Variants in LMF1 observed in about 807,000 individuals in gnomAD.
LMF1 encodes the protein lipase maturation factor 1.
LMF1 carries 68 observed loss-of-function variants against 60.6 expected under a neutral mutation model. The observed-to-expected ratio is 1.12, with a 90% CI of 0.92 to 1.37. LMF1 has a LOEUF of 1.37. Ranked by LOEUF, LMF1 falls within the 40% of genes most tolerant of loss-of-function variation. The pLI is 0.00. For synonymous variants in LMF1, 418 were observed against 324.7 expected (o/e 1.29, Z -3.09); for missense variants, 948 against 767.2 (o/e 1.24, Z -2.78).
chr16:979,965 C>A, intron 1 of LMF1: 1 of 352,396 alleles, frequency 2.8e-6, no homozygotes, highest in Non-Finnish European at 5.6e-6. Context: ...GGAAGAGGCA[C>A]TGCAGACGGA....
chr16:856,132 T>C, intron 10 of LMF1: 1 of 368,702 alleles, frequency 2.7e-6, no homozygotes, highest in Non-Finnish European at 5.3e-6. Flanking sequence ...CAGCCAAGAC[T>C]GAGGGTGATG....
In LMF1 at chr16:970,541, G is replaced by T. The variant is rs555233624; in HGVS notation, c.193+247C>A. On this transcript the variant is annotated intron_variant, in intron 1 of 10. Transcript: ENST00000262301. ...CGGCCGTGCAACTTCGGGGCTGCGG[G>T]TGGAACCGGGAGCCCAGGAGCCCAG... Among the ~76,000 whole-genome samples, 22 of 152,294 alleles carry T rather than the reference G, an allele frequency of 1.4e-4. No homozygotes were observed. The East Asian group carries it at 4.1e-3, about 28-fold the overall frequency.
intron 2 of LMF1, among the ~76,000 whole-genome samples, chr16:935,580 A>AAAAAC (rs1555466849): frequency 2.0e-5 from 3 of 152,114 alleles, no homozygotes; most frequent in African/African-American, 7.3e-5. Context: ...CTAAAAAAAA[A>AAAAAC]AAAACTCATA....
intron 5 of LMF1, among the ~76,000 whole-genome samples, chr16:887,933 G>A (rs1396078875): frequency 1.3e-5 from 2 of 152,196 alleles, no homozygotes; most frequent in African/African-American, 2.4e-5. Flanking sequence ...AGGAGCGTAG[G>A]TGGCCCCAGG....
intron 3 of LMF1, among the ~76,000 whole-genome samples, chr16:930,475 C>T (rs1021688642): frequency 1.3e-5 from 2 of 151,990 alleles, no homozygotes; most frequent in Non-Finnish European, 1.5e-5. Flanking sequence ...GCGGGAGGAT[C>T]GCCTGAGCCC....
chr16:860,430 C>G (rs1472283838), intron 10 of LMF1, among the ~76,000 whole-genome samples: 3 of 150,684 alleles, frequency 2.0e-5, no homozygotes, highest in Non-Finnish European at 4.4e-5. Flanking sequence ...ACCTCTGCCT[C>G]CCAGGCTCAA....
chr16:859,916 TCACGGGA>T (rs2069399474), intron 10 of LMF1, among the ~76,000 whole-genome samples: 1 of 139,700 alleles, frequency 7.2e-6, no homozygotes, highest in African/African-American at 3.2e-5. Context: ...TGCAGTGGTG[TCACGGGA>T]TCGGTGTGAG....
intron 4 of LMF1, among the ~76,000 whole-genome samples, chr16:895,495 C>T (rs539125683): frequency 3.4e-4 from 52 of 152,314 alleles, no homozygotes; most frequent in African/African-American, 1.1e-3. Flanking sequence ...GGACGGGAGC[C>T]GCCGGGTTCT....
chr16:930,286 A>G (rs1188275176), intron 3 of LMF1, among the ~76,000 whole-genome samples: 3 of 152,224 alleles, frequency 2.0e-5, no homozygotes, highest in Non-Finnish European at 4.4e-5. Flanking sequence ...ACCCTGGGAC[A>G]CAGAGCCCAG....
chr16:938,066 C>T (rs1439644903), intron 2 of LMF1, among the ~76,000 whole-genome samples: 2 of 150,844 alleles, frequency 1.3e-5, no homozygotes, highest in African/African-American at 4.9e-5. Flanking sequence ...AAAAGAGGGG[C>T]GCCTTTGGGT....
chr16:945,202 A>G (rs1323670059), intron 2 of LMF1, among the ~76,000 whole-genome samples: 1 of 138,678 alleles, frequency 7.2e-6, no homozygotes, highest in South Asian at 2.3e-4. Flanking sequence ...CAAGAGCGAG[A>G]CTCCATCTCA....
At chr16:925,413 G>A (rs1423164297) in intron 3 of LMF1, among the ~76,000 whole-genome samples, 2 of 152,178 alleles carry the variant, frequency 1.3e-5, no homozygotes, top group Admixed American at 1.3e-4. Context: ...TCGTGTGAAT[G>A]AGACAAAATG....
intron 4 of LMF1, among the ~76,000 whole-genome samples, chr16:902,946 G>C (rs1416726957): frequency 1.2e-5 from 1 of 85,216 alleles, no homozygotes; most frequent in East Asian, 3.3e-4. Flanking sequence ...GTGTGGTGGT[G>C]ACCTCTGCAC....
chr16:970,257 G>C (rs2073012844), intron 1 of LMF1, among the ~76,000 whole-genome samples: 1 of 152,240 alleles, frequency 6.6e-6, no homozygotes, highest in Non-Finnish European at 1.5e-5. Context: ...TCGGATTTTG[G>C]CAGGGGCCGC....
chr16:854,001 A>G lies in LMF1; in HGVS notation c.*531T>C, dbSNP rs562535027. The G allele has an allele frequency of 4.0e-5, 18 of 454,028 alleles. No homozygotes were observed. Among genetic ancestry groups the G allele is most frequent in the South Asian group, 2.8e-4 (18 of 64,462 alleles). The allele number at this position is 454,028 out of a possible 1,614,324, so 28.1% of individuals were successfully genotyped here. ...GATAGGACAGAAAATGGCCCATCCA[A>G]CCCCACATCCTGGCCGGGCGTGTCC... On this transcript the variant is annotated 3_prime_UTR_variant, in exon 11 of 11. Transcript: ENST00000262301.
chr16:939,675 T>C (rs907320522), intron 2 of LMF1, among the ~76,000 whole-genome samples: 2 of 152,256 alleles, frequency 1.3e-5, no homozygotes, highest in Non-Finnish European at 2.9e-5. Context: ...TGACCAAAGC[T>C]GCTGTAAGAC....
chr16:865,598 C>T (rs146719539), intron 10 of LMF1, among the ~76,000 whole-genome samples: 1 of 152,286 alleles, frequency 6.6e-6, no homozygotes, highest in African/African-American at 2.4e-5. Flanking sequence ...AGAAATTTGA[C>T]TTTGATGTGT....
intron 1 of LMF1, among the ~76,000 whole-genome samples, chr16:978,448 G>A (rs1037290129): frequency 1.3e-5 from 2 of 152,090 alleles, no homozygotes; most frequent in African/African-American, 4.8e-5. Flanking sequence ...CATCCCCCAG[G>A]CCATCCCTGC....
intron 4 of LMF1, among the ~76,000 whole-genome samples, chr16:907,412 A>G (rs2151750449): frequency 6.6e-6 from 1 of 152,168 alleles, no homozygotes; most frequent in Admixed American, 6.5e-5. Flanking sequence ...AAAAGAAAAA[A>G]AAAAAAGAAA....
Sources: gnomAD v4.1 joint callset for allele counts (sites outside exome capture counted in the v4.1 genomes callset) on GRCh38, gnomAD v4.1.1 for gene constraint, MANE v1.5 for transcripts, NCBI Gene and HGNC (gene_info 2026-07-23, HGNC 2026-07-21) for gene names.